Variants in APOL3 observed in about 807,000 individuals in gnomAD.
The protein encoded by APOL3 is apolipoprotein L3.
APOL3 carries 14 observed loss-of-function variants against 11.6 expected under a neutral mutation model. The observed-to-expected ratio is 1.21, with a 90% CI of 0.80 to 1.89. The LOEUF is 1.89. Among genes scored for constraint, APOL3 ranks in the 40% most tolerant of loss-of-function variants. The pLI, the probability that APOL3 is intolerant of heterozygous loss-of-function variation, is 0.00. For synonymous variants in APOL3, 192 were observed against 190.6 expected (o/e 1.01, Z -0.06); for missense variants, 483 against 492.1 (o/e 0.98, Z 0.17).
At chr22:36,152,623 C>T (rs561691852) in intron 1 of APOL3, among the ~76,000 whole-genome samples, 3 of 152,192 alleles carry the variant, frequency 2.0e-5, no homozygotes, top group Non-Finnish European at 2.9e-5. Flanking sequence ...AACCATCCTA[C>T]GTAGGCACTG....
chr22:36,142,914 C>T (rs904504835), intron 2 of APOL3, among the ~76,000 whole-genome samples: 2 of 152,216 alleles, frequency 1.3e-5, no homozygotes, highest in Admixed American at 6.5e-5. Context: ...GAGGGTCCTC[C>T]CCACTTGCTG....
upstream of APOL3, among the ~76,000 whole-genome samples, chr22:36,161,201 GT>G (rs1475588775): frequency 2.0e-5 from 3 of 152,062 alleles, no homozygotes; most frequent in African/African-American, 2.4e-5. Flanking sequence ...TTGTTGTTTT[GT>G]TTTGTTTTGT....
upstream of APOL3, chr22:36,165,222 C>A (rs890786706): frequency 6.8e-4 from 97 of 142,176 alleles, no homozygotes; most frequent in African/African-American, 2.8e-3. Context: ...TCCATTTTTA[C>A]TGCCCAGAAA....
chr22:36,155,273 C>T (rs950689753), intron 1 of APOL3, among the ~76,000 whole-genome samples: 1 of 152,194 alleles, frequency 6.6e-6, no homozygotes, highest in Non-Finnish European at 1.5e-5. Context: ...TTTCAGCTGG[C>T]TCCCAGGCAC....
intron 1 of APOL3, among the ~76,000 whole-genome samples, chr22:36,152,810 C>T (rs968434641): frequency 7.2e-5 from 11 of 152,134 alleles, no homozygotes; most frequent in African/African-American, 2.7e-4. Flanking sequence ...AAATGATTTA[C>T]TCCCTAAAGA....
At chr22:36,150,799 C>T (rs561214735) in intron 1 of APOL3, among the ~76,000 whole-genome samples, 18 of 152,296 alleles carry the variant, frequency 1.2e-4, no homozygotes, top group Admixed American at 9.8e-4. Context: ...GCAGGAGAAT[C>T]GCTTGAACCC....
chr22:36,152,722 C>T (rs956143669), intron 1 of APOL3, among the ~76,000 whole-genome samples: 23 of 152,138 alleles, frequency 1.5e-4, no homozygotes, highest in African/African-American at 5.6e-4. Flanking sequence ...CAGCCAGAAG[C>T]CAAACTCAAG....
At chr22:36,147,820 G>A (rs1046932429) in intron 1 of APOL3, among the ~76,000 whole-genome samples, 10 of 152,166 alleles carry the variant, frequency 6.6e-5, no homozygotes, top group African/African-American at 2.4e-4. Flanking sequence ...ATGAACACCT[G>A]GGCAAACAAA....
upstream of APOL3, among the ~76,000 whole-genome samples, chr22:36,163,660 C>T (rs915227010): frequency 6.6e-6 from 1 of 152,242 alleles, no homozygotes; most frequent in African/African-American, 2.4e-5. Context: ...GACACACAGA[C>T]TGCCCCAGGG....
chr22:36,150,771 G>T (rs994520558), intron 1 of APOL3, among the ~76,000 whole-genome samples: 2 of 152,202 alleles, frequency 1.3e-5, no homozygotes, highest in Admixed American at 1.3e-4. Context: ...TGTAATCCCA[G>T]TTACCCGGGA....
At chr22:36,150,001 G>T in intron 1 of APOL3, 1 of 434,392 alleles carries the variant, frequency 2.3e-6, no homozygotes, top group Non-Finnish European at 4.6e-6. Context: ...TTAGAAATGT[G>T]GATCTTGCTT....
At chr22:36,141,317 A>G in exon 3 of APOL3, 4 of 1,614,064 alleles carry the variant, frequency 2.5e-6, no homozygotes, top group Non-Finnish European at 3.4e-6. Context: ...TTGCCCCCTC[A>G]TGCAAGTGCT....
rs537380401 is a variant in APOL3 at position 36,150,994 on chromosome 22, G to A, written c.224-5395C>T. On this transcript the variant is annotated intron_variant, in intron 1 of 2. Coordinates refer to ENST00000349314, the Ensembl canonical transcript of APOL3. ...AGAAGTGACAACTGAATAGAGAGGGGTAAAGGGATCTGCAATCCACAGCAA... is the reference window on the plus strand; with the variant it reads ...AGAAGTGACAACTGAATAGAGAGGGATAAAGGGATCTGCAATCCACAGCAA... Among the ~76,000 whole-genome samples the A allele has an allele frequency of 5.1e-4, 77 of 152,304 alleles. 2 individuals are homozygous for A. Among genetic ancestry groups the A allele is most frequent in the Admixed American group, 3.3e-3 (51 of 15,294 alleles).
chr22:36,143,235 C>T (rs988447349), intron 2 of APOL3, among the ~76,000 whole-genome samples: 6 of 152,216 alleles, frequency 3.9e-5, no homozygotes, highest in Non-Finnish European at 5.9e-5. Flanking sequence ...TGTGTTTTGT[C>T]CCACATTCAC....
intron 1 of APOL3, among the ~76,000 whole-genome samples, chr22:36,156,366 A>G (rs142598151): frequency 3.9e-5 from 6 of 152,242 alleles, no homozygotes; most frequent in African/African-American, 1.4e-4. Flanking sequence ...GTGCATTAGC[A>G]CGGGAATTAC....
At chr22:36,164,246 T>C (rs16996446), upstream of APOL3, among the ~76,000 whole-genome samples, 6,837 of 152,244 alleles carry the variant, frequency 0.045, 404 homozygotes, top group African/African-American at 0.14. Context: ...CAGAGGTCTA[T>C]CAGCCATTTC....
chr22:36,151,991 T>C (rs926714006), intron 1 of APOL3, among the ~76,000 whole-genome samples: 15 of 151,970 alleles, frequency 9.9e-5, no homozygotes, highest in African/African-American at 3.4e-4. Flanking sequence ...AATGTGAGTG[T>C]GTGTGTGTGT....
intron 1 of APOL3, among the ~76,000 whole-genome samples, chr22:36,147,168 AC>A (rs1256141965): frequency 1.3e-5 from 2 of 152,156 alleles, no homozygotes; most frequent in Admixed American, 1.3e-4. Context: ...GGGATTTTAA[AC>A]ATTTTATTGA....
chr22:36,162,606 T>G (rs545415291), upstream of APOL3, among the ~76,000 whole-genome samples: 1 of 152,156 alleles, frequency 6.6e-6, no homozygotes, highest in Non-Finnish European at 1.5e-5. Flanking sequence ...GGGGCTGACT[T>G]CACTTCACAG....
Sources: allele counts gnomAD v4.1 joint callset (sites outside exome capture counted in the v4.1 genomes callset), GRCh38; gene constraint gnomAD v4.1.1; transcripts MANE v1.5; gene names NCBI Gene and HGNC (gene_info 2026-07-23, HGNC 2026-07-21).